The following FBN2 variants were observed in gnomAD, a reference collection of about 807,000 sequenced individuals.
The protein encoded by FBN2 is fibrillin-2.
Under a neutral mutation model 355.6 loss-of-function variants are expected in FBN2, and 105 were observed. The ratio of observed to expected loss-of-function variants is 0.30; its 90% CI spans 0.25 to 0.35. The LOEUF (loss-of-function observed/expected upper bound fraction) is 0.35. Ranked by LOEUF, FBN2 falls within the 10% of genes least tolerant of loss-of-function variation. FBN2 has a pLI of 1.00. For synonymous variants in FBN2, 1,350 were observed against 1,301.2 expected (o/e 1.04, Z -0.81); for missense variants, 3,280 against 3,758.7 (o/e 0.87, Z 3.33).
At chr5:128,424,151 C>G (rs1753425412) in intron 7 of FBN2, among the ~76,000 whole-genome samples, 1 of 151,978 alleles carries the variant, frequency 6.6e-6, no homozygotes, top group Admixed American at 6.6e-5. Flanking sequence ...GCAGGCAGCT[C>G]CAGACAAAGG....
At chr5:128,407,309 A>G (rs1752951359) in intron 8 of FBN2, among the ~76,000 whole-genome samples, 1 of 152,212 alleles carries the variant, frequency 6.6e-6, no homozygotes, top group Non-Finnish European at 1.5e-5. Context: ...AACTATACTT[A>G]TCACACAGGG....
intron 34 of FBN2, among the ~76,000 whole-genome samples, chr5:128,326,455 T>G (rs1271905080): frequency 2.0e-5 from 3 of 152,230 alleles, no homozygotes; most frequent in Admixed American, 1.3e-4. Context: ...CCAGGTTTTA[T>G]ATTCCCCCAT....
chr5:128,435,018 T>C (rs1302448287), intron 7 of FBN2, among the ~76,000 whole-genome samples: 5 of 152,168 alleles, frequency 3.3e-5, no homozygotes, highest in African/African-American at 1.2e-4. Context: ...TGCTTTTTTT[T>C]CATAATTTTA....
chr5:128,400,564 C>T (rs1458005958), intron 8 of FBN2, among the ~76,000 whole-genome samples: 3 of 152,090 alleles, frequency 2.0e-5, no homozygotes, highest in Non-Finnish European at 4.4e-5. Context: ...GGAGAACACC[C>T]ATCTTTTTCA....
chr5:128,449,708 A>G (rs1345610767), intron 6 of FBN2, among the ~76,000 whole-genome samples: 4 of 151,856 alleles, frequency 2.6e-5, no homozygotes, highest in Admixed American at 2.6e-4. Context: ...TAAAATTGAT[A>G]ATCATATGAG....
chr5:128,431,293 A>G (rs1409796110), intron 7 of FBN2, among the ~76,000 whole-genome samples: 1 of 151,958 alleles, frequency 6.6e-6, no homozygotes, highest in East Asian at 1.9e-4. Context: ...AAGAATTAAA[A>G]TCGCTTTCTA....
intron 16 of FBN2, among the ~76,000 whole-genome samples, chr5:128,368,054 G>A (rs1751820623): frequency 6.6e-6 from 1 of 151,746 alleles, no homozygotes; most frequent in South Asian, 2.1e-4. Flanking sequence ...AACTAAACGT[G>A]CCCCTTCTTT....
intron 6 of FBN2, 93 bp from the exon 7 acceptor site, chr5:128,446,699 C>A: frequency 7.3e-7 from 1 of 1,368,984 alleles, no homozygotes; most frequent in Non-Finnish European, 1.0e-6. Flanking sequence ...AAACATTCTT[C>A]TAAGAAACTC....
intron 30 of FBN2, 123 bp from the exon 31 acceptor site, chr5:128,334,967 AATC>A (rs1750796716): frequency 8.6e-7 from 1 of 1,162,742 alleles, no homozygotes; most frequent in African/African-American, 1.5e-5. Context: ...TCCATCCGCA[AATC>A]ATCGTGTTAT....
intron 6 of FBN2, among the ~76,000 whole-genome samples, chr5:128,453,813 C>T (rs909370478): frequency 6.6e-6 from 1 of 152,106 alleles, no homozygotes; most frequent in Non-Finnish European, 1.5e-5. Context: ...ACTCCTCCCC[C>T]AACTTTTTTT....
chr5:128,415,047 T>C (rs1753160279), intron 7 of FBN2, among the ~76,000 whole-genome samples: 1 of 152,172 alleles, frequency 6.6e-6, no homozygotes, highest in Admixed American at 6.5e-5. Context: ...CCTATGAATT[T>C]CCATGTAAAC....
At chr5:128,398,587 T>C (rs1036820744) in intron 8 of FBN2, among the ~76,000 whole-genome samples, 2 of 152,054 alleles carry the variant, frequency 1.3e-5, no homozygotes, top group African/African-American at 4.8e-5. Context: ...GGCAGATATA[T>C]ATGAATATAT....
chr5:128,426,165 C>T (rs1753477773), intron 7 of FBN2, among the ~76,000 whole-genome samples: 2 of 152,122 alleles, frequency 1.3e-5, no homozygotes, highest in South Asian at 4.1e-4. Flanking sequence ...AATGGGGAGA[C>T]TACCAATTCT....
chr5:128,484,274 A>G (rs1755274637), intron 5 of FBN2, among the ~76,000 whole-genome samples: 1 of 152,372 alleles, frequency 6.6e-6, no homozygotes, highest in East Asian at 1.9e-4. Flanking sequence ...GCTTCTGAGC[A>G]AAAGTCATAA....
intron 6 of FBN2, among the ~76,000 whole-genome samples, chr5:128,455,972 T>C (rs1754372547): frequency 1.1e-5 from 1 of 90,978 alleles, no homozygotes; most frequent in Non-Finnish European, 2.1e-5. Context: ...TTTGAGCTCC[T>C]TGGGGGAGGG....
At chr5:128,313,652 G>A (rs1023939653) in intron 36 of FBN2, among the ~76,000 whole-genome samples, 1 of 150,934 alleles carries the variant, frequency 6.6e-6, no homozygotes, top group Non-Finnish European at 1.5e-5. Context: ...ATCTGGAATC[G>A]ACCATCCTGG....
chr5:128,535,026 C>G (rs1246663561), intron 2 of FBN2, among the ~76,000 whole-genome samples: 2 of 152,186 alleles, frequency 1.3e-5, no homozygotes, highest in African/African-American at 4.8e-5. Context: ...CCCTACTGGC[C>G]TGAAAGAGTA....
intron 34 of FBN2, among the ~76,000 whole-genome samples, chr5:128,321,403 T>C (rs532328342): frequency 6.6e-6 from 1 of 152,288 alleles, no homozygotes; most frequent in Admixed American, 6.5e-5. Context: ...CATCAACCTG[T>C]CATCTACATT....
At position 128,273,895 on chromosome 5, in the gene FBN2, G is replaced by A. The variant is rs1334419000; in HGVS notation, c.7785C>T (p.Phe2595=). The A allele has an allele frequency of 1.2e-6, 2 of 1,613,926 alleles. No individual in the cohort carries two copies. Among genetic ancestry groups the A allele is most frequent in the Non-Finnish European group, 1.7e-6 (2 of 1,179,862 alleles). ...KGICQNTPGS[F]SCECQRGFSL... is the part of the protein sequence containing the mutation. ...AGAACCCTCTTTGGCATTCACAGCT[G>A]AAACTGCCTGGAGTGTTTTGACAGA... The change falls in exon 61 of 65, where the codon TTC becomes TTT. Residue 2595 remains phenylalanine (F), a synonymous_variant. Transcript: ENST00000262464.
Sources: allele counts gnomAD v4.1 joint callset (sites outside exome capture counted in the v4.1 genomes callset), GRCh38; gene constraint gnomAD v4.1.1; transcripts MANE v1.5; gene names NCBI Gene and HGNC (gene_info 2026-07-23, HGNC 2026-07-21).